Variants in PRKCE observed in about 807,000 individuals in gnomAD.
The protein encoded by PRKCE is protein kinase C epsilon type.
PRKCE carries 16 observed loss-of-function variants against 85.4 expected under a neutral mutation model. The ratio of observed to expected loss-of-function variants is 0.19; its 90% confidence interval spans 0.13 to 0.28. The LOEUF is 0.28. Among genes scored for constraint, PRKCE ranks in the 10% least tolerant of loss-of-function variants. The probability of loss-of-function intolerance (pLI) is 1.00; values close to 1 mark genes in which losing one functional copy is unlikely to be tolerated. For synonymous variants in PRKCE, 388 were observed against 371.5 expected, an observed-to-expected ratio of 1.04 and a Z score of -0.51; for missense variants, 573 against 975.2, an observed-to-expected ratio of 0.59 and a Z score of 5.49.
intron 1 of PRKCE, among the ~76,000 whole-genome samples, chr2:45,707,819 G>A (rs1239230411): frequency 6.6e-6 from 1 of 152,234 alleles, no homozygotes; most frequent in Non-Finnish European, 1.5e-5. Context: ...CAGCATGGAA[G>A]GAGCGATGGC....
At chr2:45,973,900 A>G (rs1437077602) in intron 2 of PRKCE, among the ~76,000 whole-genome samples, 2 of 152,248 alleles carry the variant, frequency 1.3e-5, no homozygotes, top group Non-Finnish European at 2.9e-5. Flanking sequence ...GATGAAAACA[A>G]CTAGTCAATT....
intron 2 of PRKCE, chr2:45,851,659 T>C (rs1340754610): frequency 7.2e-5 from 11 of 152,244 alleles, no homozygotes; most frequent in Admixed American, 2.0e-4. Context: ...AATTGAATTA[T>C]ATAGAAATGT....
At chr2:45,850,767 A>T (rs1056774186) in intron 2 of PRKCE, among the ~76,000 whole-genome samples, 2 of 152,136 alleles carry the variant, frequency 1.3e-5, no homozygotes, top group Non-Finnish European at 2.9e-5. Flanking sequence ...CATAGGGGCC[A>T]GTGTAGGGGT....
intron 1 of PRKCE, among the ~76,000 whole-genome samples, chr2:45,770,279 T>C (rs970725224): frequency 5.3e-5 from 8 of 152,162 alleles, no homozygotes; most frequent in Non-Finnish European, 1.0e-4. Context: ...ACTGTAGGGA[T>C]GCATGGGGTA....
chr2:45,754,663 C>T (rs1014442635), intron 1 of PRKCE, among the ~76,000 whole-genome samples: 2 of 152,150 alleles, frequency 1.3e-5, no homozygotes, highest in African/African-American at 2.4e-5. Context: ...TGGGTTCATC[C>T]CTCATGTAGG....
intron 2 of PRKCE, among the ~76,000 whole-genome samples, chr2:45,930,322 A>G (rs1264882927): frequency 6.6e-6 from 1 of 152,246 alleles, no homozygotes; most frequent in Non-Finnish European, 1.5e-5. Context: ...ACTACCTACC[A>G]GTTTAAAAAT....
chr2:45,863,538 G>A (rs993761830), intron 2 of PRKCE, among the ~76,000 whole-genome samples: 4 of 151,898 alleles, frequency 2.6e-5, no homozygotes, highest in South Asian at 2.1e-4. Flanking sequence ...AGGTGCTCAC[G>A]GGCCAACCCT....
chr2:46,186,800 G>A lies in PRKCE; in HGVS notation c.*1919G>A, dbSNP rs1262830384. On this transcript the variant is annotated 3_prime_UTR_variant, in exon 15 of 15. Coordinates refer to ENST00000306156, the MANE Select transcript of PRKCE (RefSeq NM_005400.3). ...AGAGTCTGTGTCCATATTTGCATCT[G>A]GCTGGTCATAGCCTTTGTTACTAAT... The A allele has an allele frequency of 3.3e-5, 5 of 152,468 alleles. No individual in the cohort carries two copies. Among genetic ancestry groups the A allele is most frequent in the Non-Finnish European group, 5.9e-5 (4 of 68,002 alleles). 9.4% of individuals were successfully genotyped at this position (152,468 alleles called of 1,614,324 possible).
At chr2:45,761,183 C>A (rs1380907193) in intron 1 of PRKCE, among the ~76,000 whole-genome samples, 2 of 151,860 alleles carry the variant, frequency 1.3e-5, no homozygotes, top group Non-Finnish European at 2.9e-5. Context: ...AAAAATTAGC[C>A]GAGTGTGGTG....
chr2:46,056,446 C>G (rs1666588738), intron 10 of PRKCE, among the ~76,000 whole-genome samples: 1 of 152,134 alleles, frequency 6.6e-6, no homozygotes, highest in African/African-American at 2.4e-5. Context: ...AGGGGCTTTC[C>G]AATAAGCTGT....
rs553992398 is a variant in PRKCE at position 46,145,288 on chromosome 2, C to G, written c.1731+57C>G. On this transcript the variant is annotated intron_variant, in intron 12 of 14. Transcript: ENST00000306156. The surrounding 1 kb of genome is among the most constrained non-coding windows in gnomAD (Gnocchi z 4.6). ...CTGGTGCCAGGACCGAGGCAGGGGT[C>G]CAAACCCATGCACTGGGGTCATCTA... 4 of 1,589,298 alleles carry G rather than the reference C, an allele frequency of 2.5e-6. No homozygotes were observed. The African/African-American group carries it at 4.0e-5, about 16-fold the overall frequency.
At chr2:46,092,480 T>G (rs2103970175) in intron 11 of PRKCE, among the ~76,000 whole-genome samples, 1 of 152,308 alleles carries the variant, frequency 6.6e-6, no homozygotes, top group East Asian at 1.9e-4. Flanking sequence ...TGGCCAAGCC[T>G]AGATTCTTCT....
At chr2:45,725,599 G>A (rs1351958156) in intron 1 of PRKCE, among the ~76,000 whole-genome samples, 4 of 152,074 alleles carry the variant, frequency 2.6e-5, no homozygotes, top group Non-Finnish European at 4.4e-5. Flanking sequence ...TTGGGAGACC[G>A]AGGCGGGCAG....
intron 1 of PRKCE, among the ~76,000 whole-genome samples, chr2:45,707,429 A>C (rs1290760018): frequency 1.3e-5 from 2 of 152,246 alleles, no homozygotes; most frequent in Non-Finnish European, 2.9e-5. Flanking sequence ...CCATTTAAAC[A>C]TTGATTATCT....
chr2:46,036,829 T>C (rs1350447697), intron 10 of PRKCE, among the ~76,000 whole-genome samples: 1 of 152,156 alleles, frequency 6.6e-6, no homozygotes, highest in Non-Finnish European at 1.5e-5. Flanking sequence ...AGAGTTTGTG[T>C]AGGGGCCTAG....
chr2:45,808,007 C>T (rs1384286213), intron 1 of PRKCE, among the ~76,000 whole-genome samples: 1 of 152,060 alleles, frequency 6.6e-6, no homozygotes, highest in Non-Finnish European at 1.5e-5. Context: ...TCACTGGAAG[C>T]CCACTCATCC....
chr2:46,120,199 C>T (rs1037995419), intron 11 of PRKCE, among the ~76,000 whole-genome samples: 1 of 152,242 alleles, frequency 6.6e-6, no homozygotes, highest in African/African-American at 2.4e-5. Flanking sequence ...ATAGTCTCTT[C>T]ACCTCCCCAG....
At chr2:45,953,486 C>G (rs1391416043) in intron 2 of PRKCE, among the ~76,000 whole-genome samples, 1 of 152,200 alleles carries the variant, frequency 6.6e-6, no homozygotes, top group Admixed American at 6.5e-5. Context: ...CTTTCCCCTC[C>G]TCTGGAACAC....
chr2:45,974,614 C>A (rs911276564), intron 2 of PRKCE, among the ~76,000 whole-genome samples: 6 of 152,182 alleles, frequency 3.9e-5, no homozygotes, highest in Admixed American at 3.3e-4. Flanking sequence ...TCACCTTTTA[C>A]CTCCTTCAAT....
Sources: allele counts gnomAD v4.1 joint callset (sites outside exome capture counted in the v4.1 genomes callset), GRCh38; gene constraint gnomAD v4.1.1; non-coding constraint Gnocchi (gnomAD v3.1); transcripts MANE v1.5; gene names NCBI Gene and HGNC (gene_info 2026-07-23, HGNC 2026-07-21).